Variants in DLGAP2 observed in about 807,000 individuals in gnomAD.
DLGAP2 encodes disks large-associated protein 2.
DLGAP2 carries 26 observed loss-of-function variants against 100.3 expected under a neutral mutation model. The observed-to-expected ratio is 0.26, with a 90% CI of 0.19 to 0.36. The LOEUF (loss-of-function observed/expected upper bound fraction) is 0.36. DLGAP2 is among the 10% of genes least tolerant of loss of function. The probability of loss-of-function intolerance (pLI) is 1.00; values close to 1 mark genes in which losing one functional copy is unlikely to be tolerated. For missense variants in DLGAP2, 1,858 were observed against 1,453.2 expected (o/e 1.28, Z -4.53); for synonymous variants, 886 against 630.1 (o/e 1.41, Z -6.08).
intron 3 of DLGAP2, among the ~76,000 whole-genome samples, chr8:1,276,437 G>C (rs7000036): frequency 0.53 from 79,637 of 151,572 alleles, 21,088 homozygotes; most frequent in East Asian, 0.75. Flanking sequence ...TGCTGAGTGG[G>C]TGCCGGGGAG....
chr8:1,265,066 T>G (rs939760840), intron 3 of DLGAP2, among the ~76,000 whole-genome samples: 6 of 152,082 alleles, frequency 3.9e-5, no homozygotes, highest in African/African-American at 1.4e-4. Flanking sequence ...AAAAATAAAT[T>G]ACCCAGTCTC....
chr8:1,474,518 T>A (rs563160844), intron 3 of DLGAP2, among the ~76,000 whole-genome samples: 4 of 152,328 alleles, frequency 2.6e-5, no homozygotes, highest in African/African-American at 9.6e-5. Flanking sequence ...TGTTTCCTTT[T>A]TATCACGTCC....
intron 3 of DLGAP2, among the ~76,000 whole-genome samples, chr8:1,454,109 C>G (rs1798238851): frequency 6.6e-6 from 1 of 152,210 alleles, no homozygotes; most frequent in Non-Finnish European, 1.5e-5. Context: ...AAACCACATG[C>G]AAAGAGATTT....
intron 3 of DLGAP2, among the ~76,000 whole-genome samples, chr8:1,303,135 C>T (rs1056174777): frequency 1.3e-4 from 20 of 152,182 alleles, no homozygotes; most frequent in African/African-American, 3.9e-4. Flanking sequence ...CGGTGGCTCA[C>T]GCCTGTAATC....
rs113305231 is a variant in DLGAP2 at position 978,604 on chromosome 8, C to G, written c.73+70638C>G. Among the ~76,000 whole-genome samples, 412 of 144,606 alleles carry G rather than the reference C, an allele frequency of 2.8e-3. 1 individual carries two copies. Among genetic ancestry groups the G allele is most frequent in the South Asian group, 8.6e-3 (37 of 4,288 alleles). The allele number at this position is 144,606 out of a possible 152,430, so 94.9% of individuals were successfully genotyped here. ...CGGGGATGCAGTGAGGGGCTGGGTT[C>G]TGGTCTTTGGTGACGTGGGGAGGGC... On this transcript the variant is annotated intron_variant, in intron 2 of 14. Coordinates refer to ENST00000637795, the MANE Select transcript of DLGAP2 (RefSeq NM_001346810.2).
At chr8:1,283,109 C>G (rs1359370883) in intron 3 of DLGAP2, among the ~76,000 whole-genome samples, 1 of 149,758 alleles carries the variant, frequency 6.7e-6, no homozygotes, top group Non-Finnish European at 1.5e-5. Flanking sequence ...AACCCAGCGC[C>G]CTGAACCATC....
At chr8:1,375,140 A>G (rs111919533) in intron 3 of DLGAP2, among the ~76,000 whole-genome samples, 26,940 of 93,428 alleles carry the variant, frequency 0.29, 3,577 homozygotes, top group African/African-American at 0.43. Flanking sequence ...CCTCTCCACG[A>G]CCTCAGAACT....
intron 8 of DLGAP2, among the ~76,000 whole-genome samples, chr8:1,636,596 C>T (rs1171850587): frequency 6.6e-6 from 1 of 152,124 alleles, no homozygotes; most frequent in Non-Finnish European, 1.5e-5. Context: ...ATTTGATTCT[C>T]CCATTTTTAG....
intron 14 of DLGAP2, 32 bp downstream of exon 14, chr8:1,697,331 C>T: frequency 6.4e-7 from 1 of 1,559,626 alleles, no homozygotes; most frequent in Non-Finnish European, 8.7e-7. Flanking sequence ...CGGCTCCCAG[C>T]AAACCCCCTT....
intron 2 of DLGAP2, among the ~76,000 whole-genome samples, chr8:1,219,058 T>C (rs1357415301): frequency 2.6e-5 from 4 of 152,218 alleles, no homozygotes; most frequent in African/African-American, 7.2e-5. Context: ...TAGAATCATA[T>C]AGTCTAAAGA....
chr8:1,195,445 G>A (rs573842632), intron 2 of DLGAP2, among the ~76,000 whole-genome samples: 1 of 152,322 alleles, frequency 6.6e-6, no homozygotes, highest in Admixed American at 6.5e-5. Context: ...GAAACAGGCT[G>A]CACAGTGAAC....
At chr8:1,119,582 G>A (rs1489965047) in intron 2 of DLGAP2, among the ~76,000 whole-genome samples, 1 of 152,218 alleles carries the variant, frequency 6.6e-6, no homozygotes, top group Non-Finnish European at 1.5e-5. Flanking sequence ...TGAGGCTTCT[G>A]GGTGCCGTGC....
chr8:836,975 A>G (rs1219820802), intron 1 of DLGAP2, among the ~76,000 whole-genome samples: 2 of 152,210 alleles, frequency 1.3e-5, no homozygotes, highest in African/African-American at 4.8e-5. Flanking sequence ...TGTGGTAGGA[A>G]AACAATGTTC....
At chr8:1,628,891 A>G (rs1469764025) in intron 7 of DLGAP2, among the ~76,000 whole-genome samples, 3 of 152,252 alleles carry the variant, frequency 2.0e-5, no homozygotes, top group Non-Finnish European at 4.4e-5. Context: ...GTGCCCTCCC[A>G]TTATGCAGTT....
At chr8:1,144,720 A>T (rs757924781) in intron 2 of DLGAP2, among the ~76,000 whole-genome samples, 1 of 152,238 alleles carries the variant, frequency 6.6e-6, no homozygotes, top group East Asian at 1.9e-4. Flanking sequence ...GAAGTAGCCC[A>T]TGCTCTAGGG....
intron 1 of DLGAP2, among the ~76,000 whole-genome samples, chr8:794,321 A>G (rs970834572): frequency 1.3e-5 from 2 of 152,254 alleles, no homozygotes; most frequent in African/African-American, 4.8e-5. Context: ...TAGAGGAATT[A>G]AAGACACACA....
At chr8:792,332 A>T (rs1027514800) in intron 1 of DLGAP2, among the ~76,000 whole-genome samples, 1 of 152,208 alleles carries the variant, frequency 6.6e-6, no homozygotes, top group African/African-American at 2.4e-5. Flanking sequence ...TGGATAAATT[A>T]TGAGTAAGTG....
chr8:1,629,441 C>G lies in DLGAP2; in HGVS notation c.1590+2554C>G, dbSNP rs148949354. On this transcript the variant is annotated intron_variant, in intron 7 of 14. Transcript: ENST00000637795. ...CTGCTCCCAGCCAGCCCCCTGCAAACAATAACATCAACTGATCCTCCCCAA... is the reference window on the plus strand; with the variant it reads ...CTGCTCCCAGCCAGCCCCCTGCAAAGAATAACATCAACTGATCCTCCCCAA... Among the ~76,000 whole-genome samples the G allele has an allele frequency of 9.6e-3, 1,465 of 152,290 alleles. 26 individuals are homozygous for G. Among genetic ancestry groups the G allele is most frequent in the African/African-American group, 0.033 (1,391 of 41,562 alleles).
chr8:1,022,556 C>T (rs977949005), intron 2 of DLGAP2, among the ~76,000 whole-genome samples: 5 of 147,896 alleles, frequency 3.4e-5, no homozygotes, highest in South Asian at 2.1e-4. Context: ...TGGACGGTCA[C>T]GTGCCGAGGT....
Sources: gnomAD v4.1 joint callset for allele counts (sites outside exome capture counted in the v4.1 genomes callset) on GRCh38, gnomAD v4.1.1 for gene constraint, MANE v1.5 for transcripts, NCBI Gene and HGNC (gene_info 2026-07-23, HGNC 2026-07-21) for gene names.